Variants in DEPDC1B observed in about 807,000 individuals in gnomAD.
The protein encoded by DEPDC1B is DEP domain-containing protein 1B.
A neutral mutation model predicts 66.5 loss-of-function variants in DEPDC1B; 51 were observed. The ratio of observed to expected loss-of-function variants is 0.77; its 90% CI spans 0.61 to 0.97. The LOEUF (loss-of-function observed/expected upper bound fraction) is 0.97, where lower values mean the gene tolerates loss of function less well. Among genes scored for constraint, DEPDC1B ranks in the 50% least tolerant of loss-of-function variants. The pLI, the probability that DEPDC1B is intolerant of heterozygous loss-of-function variation, is 0.00. For missense variants in DEPDC1B, 552 were observed against 637.1 expected, an observed-to-expected ratio of 0.87 and a Z score of 1.44; for synonymous variants, 226 against 223.6, an observed-to-expected ratio of 1.01 and a Z score of -0.10.
Position 60,644,945 on chromosome 5 carries a change from CA to C in DEPDC1B, c.579-71del, listed in dbSNP as rs1022320234. On this transcript the variant is annotated intron_variant, in intron 4 of 10. Coordinates refer to ENST00000265036, the MANE Select transcript of DEPDC1B (RefSeq NM_018369.3). ...ATATTTACTCAAAAACCTGGTACTA[CA>C]AAAAATCAATCTTTATAATGCTTTA... is the stretch of plus-strand genomic sequence containing the variant. 3 of 1,219,848 alleles carry C rather than the reference CA, an allele frequency of 2.5e-6. No individual in the cohort carries two copies. The African/African-American group carries it at 4.7e-5, about 19-fold the overall frequency. 75.6% of individuals were successfully genotyped at this position (1,219,848 alleles called of 1,614,324 possible). A position where few individuals can be genotyped will look rare whatever the true frequency, so the allele number is the denominator to read the frequency against.
At chr5:60,602,966 AAC>A (rs1752232436) in intron 9 of DEPDC1B, among the ~76,000 whole-genome samples, 1 of 152,208 alleles carries the variant, frequency 6.6e-6, no homozygotes, top group Admixed American at 6.5e-5. Context: ...GGCTGACTGC[AAC>A]AGTCAGAATT....
chr5:60,605,369 ACT>A (rs931986542), intron 8 of DEPDC1B, among the ~76,000 whole-genome samples: 4 of 152,156 alleles, frequency 2.6e-5, no homozygotes, highest in South Asian at 4.1e-4. Flanking sequence ...AGCTTGATTG[ACT>A]CTATAATGTA....
chr5:60,669,632 T>C (rs919956034), intron 2 of DEPDC1B, among the ~76,000 whole-genome samples: 4 of 152,188 alleles, frequency 2.6e-5, no homozygotes, highest in Admixed American at 6.5e-5. Context: ...CACAATACTT[T>C]CTGAAAGTAT....
rs574966078 is a variant in DEPDC1B at position 60,632,302 on chromosome 5, G to T, written c.898+6448C>A. On this transcript the variant is annotated intron_variant, in intron 7 of 10. Transcript: ENST00000265036. ...TGGAAGCCACTCCTCACCCCAAATC[G>T]GCTGCCAGGCATCATCCCAGGTGCT... Among the ~76,000 whole-genome samples, 3 of 152,042 alleles carry T rather than the reference G, an allele frequency of 2.0e-5. No individual in the cohort carries two copies. The East Asian group carries it at 5.8e-4, about 29-fold the overall frequency.
intron 2 of DEPDC1B, among the ~76,000 whole-genome samples, chr5:60,681,746 T>C (rs537788430): frequency 4.6e-5 from 7 of 151,602 alleles, no homozygotes; most frequent in Admixed American, 3.9e-4. Flanking sequence ...AGACAGACAA[T>C]ACAAAGAAAT....
At chr5:60,611,077 A>G (rs1752406353) in intron 7 of DEPDC1B, among the ~76,000 whole-genome samples, 1 of 152,250 alleles carries the variant, frequency 6.6e-6, no homozygotes, top group Non-Finnish European at 1.5e-5. Context: ...AATCAAGGCT[A>G]TCACCACCAT....
At chr5:60,645,002 G>C (rs993356729) in intron 4 of DEPDC1B, 127 bp from the exon 5 acceptor site, 12 of 620,666 alleles carry the variant, frequency 1.9e-5, no homozygotes, top group Admixed American at 1.1e-4. Flanking sequence ...TCTTTGCGGG[G>C]CAAAAAGGGT....
intron 7 of DEPDC1B, chr5:60,630,749 C>T (rs889004646): frequency 1.3e-5 from 2 of 153,292 alleles, no homozygotes; most frequent in African/African-American, 4.8e-5. Context: ...CTTTGAGAAT[C>T]AAAAAGACAT....
intron 7 of DEPDC1B, among the ~76,000 whole-genome samples, chr5:60,626,859 G>C (rs947893002): frequency 1.6e-4 from 24 of 152,158 alleles, no homozygotes; most frequent in Non-Finnish European, 1.9e-4. Flanking sequence ...TTCTGATCTT[G>C]AGTTCAGGAG....
chr5:60,599,006 TAAAATA>T (rs896806152), intron 10 of DEPDC1B, 63 bp downstream of exon 10: 7 of 1,288,660 alleles, frequency 5.4e-6, no homozygotes, highest in Non-Finnish European at 7.2e-6. Context: ...TGAAGCCTAT[TAAAATA>T]AAAAAAAAAA....
chr5:60,663,010 G>A (rs1753754915), intron 2 of DEPDC1B, among the ~76,000 whole-genome samples: 1 of 152,152 alleles, frequency 6.6e-6, no homozygotes, highest in Non-Finnish European at 1.5e-5. Flanking sequence ...TATGATTGGG[G>A]AACTTCACTC....
At chr5:60,604,158 A>G (rs1354023417) in intron 8 of DEPDC1B, among the ~76,000 whole-genome samples, 1 of 150,526 alleles carries the variant, frequency 6.6e-6, no homozygotes, top group East Asian at 2.0e-4. Flanking sequence ...AGGCAAGCAG[A>G]AATGCAAAAT....
intron 2 of DEPDC1B, among the ~76,000 whole-genome samples, chr5:60,654,080 C>T (rs1753521592): frequency 6.7e-6 from 1 of 149,106 alleles, no homozygotes; most frequent in Admixed American, 6.6e-5. Flanking sequence ...CTTGCTTTGG[C>T]TATGTGGGCT....
intron 2 of DEPDC1B, among the ~76,000 whole-genome samples, chr5:60,661,400 G>A (rs550582050): frequency 6.6e-6 from 1 of 152,304 alleles, no homozygotes; most frequent in South Asian, 2.1e-4. Context: ...AACACTCTAG[G>A]ACTATGCTCG....
intron 5 of DEPDC1B, among the ~76,000 whole-genome samples, chr5:60,644,225 T>TTTTG (rs890948038): frequency 7.9e-5 from 12 of 152,332 alleles, no homozygotes; most frequent in South Asian, 2.1e-4. Context: ...TATATGGTTC[T>TTTTG]TTTGTTTGTT....
chr5:60,602,802 A>C (rs1488425135), intron 9 of DEPDC1B, among the ~76,000 whole-genome samples: 1 of 152,178 alleles, frequency 6.6e-6, no homozygotes, highest in Non-Finnish European at 1.5e-5. Flanking sequence ...GTAAAATCCA[A>C]AGCGGTTAAG....
intron 9 of DEPDC1B, among the ~76,000 whole-genome samples, chr5:60,600,703 A>T (rs78025145): frequency 6.6e-6 from 1 of 152,354 alleles, no homozygotes; most frequent in East Asian, 1.9e-4. Context: ...GATCATGTTT[A>T]CCTGCAGTTA....
At chr5:60,606,555 T>C (rs558461635) in intron 7 of DEPDC1B, among the ~76,000 whole-genome samples, 1 of 143,710 alleles carries the variant, frequency 7.0e-6, no homozygotes, top group African/African-American at 2.7e-5. Flanking sequence ...GGAGGATCAC[T>C]TGAGGCCAGG....
intron 9 of DEPDC1B, among the ~76,000 whole-genome samples, chr5:60,600,851 C>T (rs971223469): frequency 6.6e-6 from 1 of 152,236 alleles, no homozygotes; most frequent in Non-Finnish European, 1.5e-5. Context: ...ACAGTTATTG[C>T]TTGATATTGT....
Sources: allele counts gnomAD v4.1 joint callset (sites outside exome capture counted in the v4.1 genomes callset), GRCh38; gene constraint gnomAD v4.1.1; transcripts MANE v1.5; gene names NCBI Gene and HGNC (gene_info 2026-07-23, HGNC 2026-07-21).